The following SGMS2 variants were observed in gnomAD, a reference collection of about 807,000 sequenced individuals.
The protein encoded by SGMS2 is phosphatidylcholine:ceramide cholinephosphotransferase 2.
SGMS2 carries 21 observed loss-of-function variants against 43.8 expected under a neutral mutation model. That is an observed-to-expected ratio of 0.48 (90% CI 0.34 to 0.69). The LOEUF (loss-of-function observed/expected upper bound fraction) is 0.69. SGMS2 is among the 30% of genes least tolerant of loss of function. The pLI, the probability that SGMS2 is intolerant of heterozygous loss-of-function variation, is 0.01. For missense variants in SGMS2, 384 were observed against 443.2 expected (o/e 0.87, Z 1.20); for synonymous variants, 167 against 160.6 (o/e 1.04, Z -0.30).
chr4:107,853,412 C>T lies in SGMS2; in HGVS notation c.-326-5060C>T, dbSNP rs536312362. Among the ~76,000 whole-genome samples, 15 of 152,256 alleles carry T rather than the reference C, an allele frequency of 9.9e-5. No individual in the cohort carries two copies. In the South Asian group the frequency reaches 3.1e-3, roughly 32 times the overall value. ...ATAATAAACTTTCACTCTGAAAGTA[C>T]CCATCTAAATTAGTGGGTCATTCCT... On this transcript the variant is annotated intron_variant, in intron 1 of 6. Transcript: ENST00000690982.
intron 2 of SGMS2, among the ~76,000 whole-genome samples, chr4:107,865,778 G>C (rs1324334013): frequency 3.3e-5 from 5 of 151,920 alleles, no homozygotes; most frequent in Admixed American, 6.6e-5. Context: ...TTATTTAATT[G>C]GTTTCAGTCC....
At chr4:107,892,693 C>G (rs535429879) in intron 2 of SGMS2, among the ~76,000 whole-genome samples, 1 of 152,110 alleles carries the variant, frequency 6.6e-6, no homozygotes, top group South Asian at 2.1e-4. Context: ...TGGGGAGAGG[C>G]CTTCCAGGTC....
At chr4:107,856,020 G>A (rs1021670187) in intron 1 of SGMS2, among the ~76,000 whole-genome samples, 5 of 152,104 alleles carry the variant, frequency 3.3e-5, no homozygotes, top group Non-Finnish European at 5.9e-5. Flanking sequence ...ATCAAGCTTT[G>A]CTGTCTCTGC....
intron 1 of SGMS2, among the ~76,000 whole-genome samples, chr4:107,848,466 T>C (rs568021863): frequency 1.3e-5 from 2 of 152,280 alleles, no homozygotes; most frequent in Non-Finnish European, 2.9e-5. Context: ...ATGCTAAGAC[T>C]CTGTTTAGTT....
intron 2 of SGMS2, among the ~76,000 whole-genome samples, chr4:107,862,901 C>A (rs1290722945): frequency 6.6e-6 from 1 of 152,164 alleles, no homozygotes; most frequent in Non-Finnish European, 1.5e-5. Context: ...CCAGGAAATG[C>A]CGCCTCTACA....
At chr4:107,890,292 G>T (rs943266480) in intron 2 of SGMS2, among the ~76,000 whole-genome samples, 6 of 152,038 alleles carry the variant, frequency 3.9e-5, no homozygotes, top group African/African-American at 1.4e-4. Context: ...ACTAGTTTAG[G>T]TCCCTCATGC....
chr4:107,846,107 T>G (rs994761125), intron 1 of SGMS2, among the ~76,000 whole-genome samples: 1 of 151,020 alleles, frequency 6.6e-6, no homozygotes, highest in Non-Finnish European at 1.5e-5. Context: ...TGGAAAGCTG[T>G]TTTTTTTTAT....
At chr4:107,885,226 C>T (rs942408657) in intron 2 of SGMS2, among the ~76,000 whole-genome samples, 2 of 132,168 alleles carry the variant, frequency 1.5e-5, no homozygotes, top group African/African-American at 6.2e-5. Flanking sequence ...TGTTTTGTTA[C>T]ATTTTTTTTT....
chr4:107,846,290 G>A (rs1231684344), intron 1 of SGMS2, among the ~76,000 whole-genome samples: 1 of 114,932 alleles, frequency 8.7e-6, no homozygotes, highest in African/African-American at 3.5e-5. Flanking sequence ...AGTACCCAGA[G>A]TGTGATGTTC....
chr4:107,855,235 C>A (rs1430328110), intron 1 of SGMS2, among the ~76,000 whole-genome samples: 2 of 151,970 alleles, frequency 1.3e-5, no homozygotes, highest in African/African-American at 4.8e-5. Flanking sequence ...TTATTTCCTT[C>A]TACTAATTTT....
chr4:107,850,735 G>A (rs994216895), intron 1 of SGMS2, among the ~76,000 whole-genome samples: 1 of 152,192 alleles, frequency 6.6e-6, no homozygotes, highest in Non-Finnish European at 1.5e-5. Context: ...TACGTGGTCA[G>A]CATCACCATC....
At chr4:107,869,081 A>T (rs78156382) in intron 2 of SGMS2, among the ~76,000 whole-genome samples, 1 of 152,094 alleles carries the variant, frequency 6.6e-6, no homozygotes, top group African/African-American at 2.4e-5. Flanking sequence ...CAAGAGGGGG[A>T]GGTTGGTTTC....
intron 2 of SGMS2, among the ~76,000 whole-genome samples, chr4:107,880,649 G>T (rs1397850665): frequency 1.3e-5 from 2 of 152,050 alleles, no homozygotes; most frequent in South Asian, 4.2e-4. Flanking sequence ...TGAGGCCAGA[G>T]GTTCGAGATC....
intron 2 of SGMS2, among the ~76,000 whole-genome samples, chr4:107,872,634 C>T (rs950619214): frequency 2.6e-5 from 4 of 151,602 alleles, no homozygotes; most frequent in Non-Finnish European, 5.9e-5. Flanking sequence ...TGTGCCACTG[C>T]GCTCCAGCCT....
intron 1 of SGMS2, among the ~76,000 whole-genome samples, chr4:107,852,279 G>A (rs754823232): frequency 6.0e-5 from 9 of 151,148 alleles, no homozygotes; most frequent in East Asian, 1.9e-4. Context: ...GGGTTTCACC[G>A]TGTTAGCCAG....
chr4:107,845,596 T>C (rs1726762425), intron 1 of SGMS2, among the ~76,000 whole-genome samples: 1 of 152,162 alleles, frequency 6.6e-6, no homozygotes, highest in Admixed American at 6.5e-5. Context: ...TGTGGTTCCT[T>C]GAGACAAGCA....
intron 2 of SGMS2, among the ~76,000 whole-genome samples, chr4:107,860,882 G>A (rs1317237401): frequency 7.9e-5 from 12 of 152,138 alleles, no homozygotes; most frequent in South Asian, 4.1e-4. Flanking sequence ...TGTCATCAGC[G>A]TCTGGATATT....
chr4:107,825,620 CTTTTTTTTT>C (rs201101875), intron 1 of SGMS2, among the ~76,000 whole-genome samples: 4 of 116,290 alleles, frequency 3.4e-5, no homozygotes, highest in African/African-American at 7.4e-5. Flanking sequence ...TTTTCTTTCT[CTTTTTTTTT>C]TTTTTTTTTT....
chr4:107,850,493 A>T (rs1468987005), intron 1 of SGMS2, among the ~76,000 whole-genome samples: 1 of 152,176 alleles, frequency 6.6e-6, no homozygotes, highest in African/African-American at 2.4e-5. Context: ...AGGTAAGGGA[A>T]AACCTCAGAG....
Sources: gnomAD v4.1 joint callset for allele counts (sites outside exome capture counted in the v4.1 genomes callset) on GRCh38, gnomAD v4.1.1 for gene constraint, MANE v1.5 for transcripts, NCBI Gene and HGNC (gene_info 2026-07-23, HGNC 2026-07-21) for gene names.